Variants in TAS2R1 observed in about 807,000 individuals in gnomAD.
TAS2R1 encodes the protein taste receptor type 2 member 1.
For synonymous variants in TAS2R1, 141 were observed against 134.2 expected (o/e 1.05, Z -0.35); for missense variants, 370 against 353.4 (o/e 1.05, Z -0.38).
At chr5:9,750,768 T>C in the TAS2R1 span, among the ~76,000 whole-genome samples, 1 of 152,120 alleles carries the variant, frequency 6.6e-6, no homozygotes, top group African/African-American at 2.4e-5. Flanking sequence ...GGCAATCAGA[T>C]TGAAATAACT....
At chr5:9,839,129 G>A in the TAS2R1 span, among the ~76,000 whole-genome samples, 1 of 152,206 alleles carries the variant, frequency 6.6e-6, no homozygotes, top group Non-Finnish European at 1.5e-5. Context: ...GGGTAAAGAG[G>A]GCTCTGTGCT....
the TAS2R1 span, chr5:9,883,284 C>T: frequency 6.6e-6 from 1 of 152,082 alleles, no homozygotes; most frequent in African/African-American, 2.4e-5. Context: ...GGCTTAATAC[C>T]TAGGTGATGG....
upstream of TAS2R1, chr5:9,712,343 G>T (rs2126534043): frequency 6.6e-6 from 1 of 152,304 alleles, no homozygotes; most frequent in Non-Finnish European, 1.5e-5. Context: ...TGCTGACTTG[G>T]CTGGGGTATG....
At chr5:9,796,754 A>G in the TAS2R1 span, among the ~76,000 whole-genome samples, 2 of 151,642 alleles carry the variant, frequency 1.3e-5, no homozygotes, top group East Asian at 3.9e-4. Context: ...AGAAAAAAAA[A>G]AAGAAAAGTG....
intron 1 of TAS2R1, among the ~76,000 whole-genome samples, chr5:9,687,956 T>A (rs1359924158): frequency 6.6e-6 from 1 of 152,232 alleles, no homozygotes; most frequent in East Asian, 1.9e-4. Context: ...ATTAAATAAA[T>A]GTGCCTGCCT....
chr5:9,631,923 G>T (rs1280094048), upstream of TAS2R1, among the ~76,000 whole-genome samples: 5 of 152,174 alleles, frequency 3.3e-5, no homozygotes, highest in Admixed American at 3.3e-4. Flanking sequence ...AAGCACCAAG[G>T]GAGGTGTTCA....
At chr5:9,705,340 A>C (rs1346024225) in intron 1 of TAS2R1, among the ~76,000 whole-genome samples, 1 of 152,236 alleles carries the variant, frequency 6.6e-6, no homozygotes, top group Non-Finnish European at 1.5e-5. Context: ...TGTCATCTTT[A>C]AGTTATATCT....
the TAS2R1 span, among the ~76,000 whole-genome samples, chr5:9,744,970 A>G: frequency 6.6e-6 from 1 of 152,244 alleles, no homozygotes; most frequent in Non-Finnish European, 1.5e-5. Flanking sequence ...ATGGACTGAT[A>G]GGTTGAAACT....
chr5:9,829,885 G>T, the TAS2R1 span, among the ~76,000 whole-genome samples: 1 of 152,152 alleles, frequency 6.6e-6, no homozygotes, highest in African/African-American at 2.4e-5. Context: ...GACACAAAAG[G>T]GGGGAATGAA....
the TAS2R1 span, among the ~76,000 whole-genome samples, chr5:9,724,386 T>A: frequency 1.9e-4 from 29 of 151,782 alleles, 1 homozygote; most frequent in East Asian, 5.6e-3. Context: ...ATTATATCCT[T>A]TAAGGTCATT....
the TAS2R1 span, among the ~76,000 whole-genome samples, chr5:9,721,666 G>A: frequency 2.6e-5 from 4 of 152,220 alleles, no homozygotes; most frequent in South Asian, 8.3e-4. Context: ...AAGTGATATT[G>A]AATATTGCAA....
chr5:9,716,778 T>C (rs992403054), upstream of TAS2R1, among the ~76,000 whole-genome samples: 18 of 152,184 alleles, frequency 1.2e-4, no homozygotes, highest in Non-Finnish European at 2.5e-4. Flanking sequence ...AACTTTTGAC[T>C]TGAAATCCAG....
the TAS2R1 span, among the ~76,000 whole-genome samples, chr5:9,800,221 C>G: frequency 1.3e-5 from 2 of 152,140 alleles, no homozygotes; most frequent in African/African-American, 4.8e-5. Flanking sequence ...CAAACAGCCC[C>G]TAACGACAAA....
At chr5:9,801,423 CT>C in the TAS2R1 span, among the ~76,000 whole-genome samples, 2 of 152,238 alleles carry the variant, frequency 1.3e-5, no homozygotes, top group South Asian at 4.1e-4. Flanking sequence ...GCAGGACTAG[CT>C]TGCAGCTCCC....
chr5:9,774,470 G>T, the TAS2R1 span, among the ~76,000 whole-genome samples: 1 of 152,180 alleles, frequency 6.6e-6, no homozygotes, highest in African/African-American at 2.4e-5. Flanking sequence ...TTCCTGGAAG[G>T]TCTTGATGTT....
chr5:9,812,388 T>A, the TAS2R1 span, among the ~76,000 whole-genome samples: 930 of 152,138 alleles, frequency 6.1e-3, 10 homozygotes, highest in African/African-American at 0.021. Flanking sequence ...TTATTTTACA[T>A]GTGTTGAGCT....
chr5:9,741,823 C>T, the TAS2R1 span, among the ~76,000 whole-genome samples: 1 of 152,106 alleles, frequency 6.6e-6, no homozygotes, highest in Admixed American at 6.6e-5. Context: ...GTCGGTTTCT[C>T]TACAGCATAA....
At chr5:9,873,991 A>G in the TAS2R1 span, among the ~76,000 whole-genome samples, 1 of 146,226 alleles carries the variant, frequency 6.8e-6, no homozygotes, top group Non-Finnish European at 1.5e-5. Context: ...AAAAAGAGAG[A>G]GAGGAAGGAA....
chr5:9,741,520 C>T, the TAS2R1 span, among the ~76,000 whole-genome samples: 9 of 151,952 alleles, frequency 5.9e-5, no homozygotes, highest in Middle Eastern at 3.4e-3. Context: ...GTTATGAAAA[C>T]GAGAAAATTT....
Sources: gnomAD v4.1 joint callset for allele counts (sites outside exome capture counted in the v4.1 genomes callset) on GRCh38, gnomAD v4.1.1 for gene constraint, MANE v1.5 for transcripts, NCBI Gene and HGNC (gene_info 2026-07-23, HGNC 2026-07-21) for gene names.